F13A1: variants seen among roughly 807,000 people sequenced by gnomAD.
F13A1 encodes FSF, A subunit.
A neutral mutation model predicts 80.1 loss-of-function variants in F13A1; 47 were observed. The ratio of observed to expected loss-of-function variants is 0.59; its 90% CI spans 0.46 to 0.75. The LOEUF (loss-of-function observed/expected upper bound fraction) is 0.75, where lower values mean the gene tolerates loss of function less well. F13A1 is among the 30% of genes least tolerant of loss of function. F13A1 has a pLI of 0.00. For missense variants in F13A1, 817 were observed against 930.4 expected (o/e 0.88, Z 1.59); for synonymous variants, 349 against 344.9 (o/e 1.01, Z -0.13).
At chr6:6,280,883 G>C (rs974016874) in intron 3 of F13A1, among the ~76,000 whole-genome samples, 3 of 152,178 alleles carry the variant, frequency 2.0e-5, no homozygotes, top group Non-Finnish European at 4.4e-5. Context: ...GCTTTGGAAA[G>C]TGGCACAGTG....
intron 4 of F13A1, among the ~76,000 whole-genome samples, chr6:6,262,311 C>G (rs1321290343): frequency 6.6e-6 from 1 of 152,242 alleles, no homozygotes; most frequent in East Asian, 1.9e-4. Flanking sequence ...CCTGCTCTCA[C>G]CCTCCATCCC....
intron 12 of F13A1, chr6:6,169,194 G>C (rs1760728574): frequency 6.6e-6 from 1 of 152,216 alleles, no homozygotes; most frequent in African/African-American, 2.4e-5. Context: ...GGGTTGAGAA[G>C]GGCCACTCCA....
At chr6:6,219,486 G>T (rs1179716747) in intron 8 of F13A1, among the ~76,000 whole-genome samples, 2 of 152,168 alleles carry the variant, frequency 1.3e-5, no homozygotes, top group Non-Finnish European at 2.9e-5. Context: ...TCGGGAAATG[G>T]TAACTACTAA....
intron 2 of F13A1, among the ~76,000 whole-genome samples, chr6:6,316,649 T>G (rs1437158823): frequency 1.3e-5 from 2 of 152,158 alleles, no homozygotes; most frequent in Non-Finnish European, 2.9e-5. Context: ...TCGTACATAT[T>G]CCTCATAGGA....
At chr6:6,295,131 A>G (rs1270209501) in intron 3 of F13A1, among the ~76,000 whole-genome samples, 2 of 145,958 alleles carry the variant, frequency 1.4e-5, no homozygotes, top group Non-Finnish European at 3.0e-5. Context: ...CATTTTCTTA[A>G]TCCAGTCTAT....
At chr6:6,302,429 C>T (rs1309310952) in intron 3 of F13A1, among the ~76,000 whole-genome samples, 1 of 152,166 alleles carries the variant, frequency 6.6e-6, no homozygotes, top group Non-Finnish European at 1.5e-5. Context: ...GTGTGTTTTA[C>T]TGTACTGAAT....
chr6:6,195,815 T>C lies in F13A1; in HGVS notation c.1287A>G (p.Ala429=), dbSNP rs1178760678. 1 of 1,614,046 alleles carries C rather than the reference T, an allele frequency of 6.2e-7. No homozygotes were observed. The highest frequency in any genetic ancestry group is 1.7e-5 in the Admixed American group (1 of 60,008). The part of the protein sequence containing the change: ...KHGHVCFQFD[A]PFVFAEVNSD... ...TGCTTACCTCTGCAAAAACAAAAGGTGCATCAAATTGGAAGCAGACATGGC... is the reference window on the plus strand; with the variant it reads ...TGCTTACCTCTGCAAAAACAAAAGGCGCATCAAATTGGAAGCAGACATGGC... Residue 429 remains alanine (A), a synonymous_variant, in exon 10 of 15, where the codon GCA becomes GCG. Coordinates refer to ENST00000264870, the MANE Select transcript of F13A1 (RefSeq NM_000129.4).
At chr6:6,180,111 A>C (rs900833811) in intron 11 of F13A1, among the ~76,000 whole-genome samples, 1 of 151,312 alleles carries the variant, frequency 6.6e-6, no homozygotes, top group Non-Finnish European at 1.5e-5. Flanking sequence ...TTTCTTCACT[A>C]CTCTGTCTGG....
At chr6:6,265,938 G>A (rs1757837859) in intron 4 of F13A1, among the ~76,000 whole-genome samples, 1 of 152,166 alleles carries the variant, frequency 6.6e-6, no homozygotes, top group African/African-American at 2.4e-5. Context: ...TATTAGGTTG[G>A]TGAGGTTGGT....
At chr6:6,195,322 T>C (rs1460077724) in intron 10 of F13A1, among the ~76,000 whole-genome samples, 2 of 152,134 alleles carry the variant, frequency 1.3e-5, no homozygotes, top group Non-Finnish European at 2.9e-5. Context: ...CCACAGGTGA[T>C]GGTGTGGGAT....
intron 3 of F13A1, among the ~76,000 whole-genome samples, chr6:6,298,317 C>A (rs1176967713): frequency 1.3e-5 from 2 of 148,220 alleles, no homozygotes; most frequent in Admixed American, 6.7e-5. Flanking sequence ...GACTTTCTGT[C>A]TCGTTGATCT....
intron 8 of F13A1, among the ~76,000 whole-genome samples, chr6:6,206,089 G>A (rs1452080152): frequency 6.6e-6 from 1 of 152,062 alleles, no homozygotes; most frequent in Non-Finnish European, 1.5e-5. Context: ...AATAAATTCT[G>A]GACAAGTGTC....
At chr6:6,171,562 T>A (rs1262868833) in intron 12 of F13A1, among the ~76,000 whole-genome samples, 2 of 152,026 alleles carry the variant, frequency 1.3e-5, no homozygotes, top group East Asian at 3.9e-4. Context: ...TTCAGTGGAG[T>A]GATTGCAGAA....
In F13A1 at chr6:6,291,669, C is replaced by A. The variant is rs530275155; in HGVS notation, c.319+13682G>T. Among the ~76,000 whole-genome samples, 93 of 152,250 alleles carry A rather than the reference C, an allele frequency of 6.1e-4. 1 individual carries two copies. In the South Asian group the frequency reaches 8.3e-3, roughly 14 times the overall value. ...TCTCGTGGATTGAGTGACACTGCAA[C>A]CCCCTTATTTTCCTTCTGTTTATCT... On this transcript the variant is annotated intron_variant, in intron 3 of 14. Coordinates refer to ENST00000264870, the MANE Select transcript of F13A1 (RefSeq NM_000129.4).
intron 4 of F13A1, among the ~76,000 whole-genome samples, chr6:6,262,255 G>A (rs1757786558): frequency 6.6e-6 from 1 of 151,768 alleles, no homozygotes; most frequent in Admixed American, 6.6e-5. Context: ...GACCCTCCAG[G>A]TGATTCTGAT....
chr6:6,281,160 T>C (rs1052779877), intron 3 of F13A1, among the ~76,000 whole-genome samples: 1 of 152,234 alleles, frequency 6.6e-6, no homozygotes, highest in African/African-American at 2.4e-5. Context: ...TGTTAATGTC[T>C]AAGAAGAGTG....
chr6:6,198,934 A>G (rs1015274045), intron 8 of F13A1, among the ~76,000 whole-genome samples: 3 of 152,208 alleles, frequency 2.0e-5, no homozygotes, highest in Non-Finnish European at 4.4e-5. Flanking sequence ...CTCGAAAGAT[A>G]AATGGGAATT....
intron 3 of F13A1, among the ~76,000 whole-genome samples, chr6:6,290,516 T>C (rs1432940519): frequency 6.6e-6 from 1 of 152,222 alleles, no homozygotes; most frequent in Admixed American, 6.5e-5. Flanking sequence ...ACAAGATTCA[T>C]TTTTTGACTA....
At chr6:6,284,335 T>G (rs1758106763) in intron 3 of F13A1, among the ~76,000 whole-genome samples, 1 of 152,150 alleles carries the variant, frequency 6.6e-6, no homozygotes, top group South Asian at 2.1e-4. Flanking sequence ...ATGGAGAGAG[T>G]GTGTCATTTT....
Sources: allele counts gnomAD v4.1 joint callset (sites outside exome capture counted in the v4.1 genomes callset), GRCh38; gene constraint gnomAD v4.1.1; transcripts MANE v1.5; gene names NCBI Gene and HGNC (gene_info 2026-07-23, HGNC 2026-07-21).